The following CADM2 variants were observed in gnomAD, a reference collection of about 807,000 sequenced individuals.
CADM2 encodes the protein immunoglobulin superfamily member 4D.
A neutral mutation model predicts 49.8 loss-of-function variants in CADM2; 12 were observed. The ratio of observed to expected loss-of-function variants is 0.24; its 90% CI spans 0.15 to 0.39. The LOEUF (loss-of-function observed/expected upper bound fraction) is 0.39, where lower values mean the gene tolerates loss of function less well. CADM2 is among the 10% of genes least tolerant of loss of function. The probability of loss-of-function intolerance (pLI) is 1.00; values close to 1 mark genes in which losing one functional copy is unlikely to be tolerated. For missense variants in CADM2, 378 were observed against 492.3 expected (o/e 0.77, Z 2.20); for synonymous variants, 214 against 175.4 (o/e 1.22, Z -1.74).
chr3:85,062,992 A>C (rs1040078377), intron 1 of CADM2, among the ~76,000 whole-genome samples: 3 of 151,980 alleles, frequency 2.0e-5, no homozygotes, highest in Non-Finnish European at 2.9e-5. Context: ...AAAAAGTGGA[A>C]GTTGAATCAG....
intron 1 of CADM2, among the ~76,000 whole-genome samples, chr3:85,152,376 T>A (rs964842930): frequency 6.6e-6 from 1 of 152,146 alleles, no homozygotes; most frequent in Non-Finnish European, 1.5e-5. Flanking sequence ...GAAATCTCCA[T>A]GTGGACCCAT....
Position 85,935,770 on chromosome 3 carries a change from C to T in CADM2, c.704C>T (p.Thr235Ile), listed in dbSNP as rs1721127382. Residue 235 changes from threonine to isoleucine, a missense_variant, in exon 7 of 10, where the codon ACA (threonine) becomes ATA (isoleucine). Physicochemically the swap from Thr to Ile is moderately conservative, Grantham distance 89. Coordinates refer to ENST00000383699, the MANE Select transcript of CADM2 (RefSeq NM_001167675.2). ...VAMQVLEIHY[T>I]PSVKIIPSTP... is the part of the protein sequence containing the mutation. ...CTTAATATTCTTTTATTTCTAGATA[C>T]ACCATCAGTTAAGATTATACCATCG... 1 of 1,560,090 alleles carries T rather than the reference C, an allele frequency of 6.4e-7. No homozygotes were observed. Among genetic ancestry groups the T allele is most frequent in the Non-Finnish European group, 8.8e-7 (1 of 1,139,416 alleles).
chr3:85,913,348 G>C (rs1305972755), intron 6 of CADM2, among the ~76,000 whole-genome samples: 1 of 152,082 alleles, frequency 6.6e-6, no homozygotes, highest in Non-Finnish European at 1.5e-5. Flanking sequence ...TAGAGGATAG[G>C]AGATAATATG....
chr3:85,424,616 G>A (rs1390774094), intron 1 of CADM2, among the ~76,000 whole-genome samples: 2 of 152,046 alleles, frequency 1.3e-5, no homozygotes, highest in Non-Finnish European at 2.9e-5. Context: ...TTGTTAGAGC[G>A]TCCTGTGAAA....
chr3:85,190,269 C>G (rs1206525065), intron 1 of CADM2, among the ~76,000 whole-genome samples: 1 of 152,082 alleles, frequency 6.6e-6, no homozygotes, highest in East Asian at 1.9e-4. Flanking sequence ...TGTGCTTGTT[C>G]ACTTCTAAAC....
At chr3:85,502,175 G>C (rs1309043152) in intron 1 of CADM2, among the ~76,000 whole-genome samples, 4 of 152,138 alleles carry the variant, frequency 2.6e-5, no homozygotes, top group Admixed American at 6.5e-5. Flanking sequence ...TGAGATGTAA[G>C]ATGTCACACC....
At chr3:85,735,479 G>A (rs1159996675) in intron 2 of CADM2, among the ~76,000 whole-genome samples, 2 of 152,070 alleles carry the variant, frequency 1.3e-5, no homozygotes, top group Non-Finnish European at 1.5e-5. Context: ...AAGGATTTTT[G>A]GTATCCTTCA....
At chr3:85,362,163 C>T (rs1195817324) in intron 1 of CADM2, among the ~76,000 whole-genome samples, 1 of 152,114 alleles carries the variant, frequency 6.6e-6, no homozygotes. Flanking sequence ...TCTCAGATCT[C>T]CCTGCAGTAA....
chr3:85,300,044 G>A (rs2044056818), intron 1 of CADM2, among the ~76,000 whole-genome samples: 1 of 151,978 alleles, frequency 6.6e-6, no homozygotes, highest in South Asian at 2.1e-4. Flanking sequence ...TCTTTTACAT[G>A]TTTTTCTCAT....
At chr3:85,905,710 C>A (rs951839331) in intron 5 of CADM2, among the ~76,000 whole-genome samples, 4 of 152,026 alleles carry the variant, frequency 2.6e-5, no homozygotes, top group Admixed American at 1.3e-4. Context: ...TTAATCTAAT[C>A]TTTATTTTAT....
chr3:85,323,760 A>T (rs571833252), intron 1 of CADM2, among the ~76,000 whole-genome samples: 3 of 152,288 alleles, frequency 2.0e-5, no homozygotes, highest in South Asian at 4.1e-4. Flanking sequence ...TCTCATCACG[A>T]TGCTAAAACA....
chr3:85,592,349 G>A (rs1054099206), intron 1 of CADM2, among the ~76,000 whole-genome samples: 3 of 151,880 alleles, frequency 2.0e-5, no homozygotes, highest in Non-Finnish European at 2.9e-5. Flanking sequence ...CACATCCACT[G>A]CTAAGAAAAA....
intron 3 of CADM2, among the ~76,000 whole-genome samples, chr3:85,804,548 T>G (rs1190559828): frequency 6.6e-6 from 1 of 152,222 alleles, no homozygotes; most frequent in Non-Finnish European, 1.5e-5. Flanking sequence ...CTTGTACTGC[T>G]TTTTAAGGAG....
chr3:85,379,350 T>C (rs2033769024), intron 1 of CADM2, among the ~76,000 whole-genome samples: 1 of 151,880 alleles, frequency 6.6e-6, no homozygotes, highest in South Asian at 2.1e-4. Flanking sequence ...AACTGTAGAG[T>C]TTAGATGAAG....
Position 85,061,078 on chromosome 3 carries a change from A to G in CADM2, c.61+101410A>G, listed in dbSNP as rs576713101. Among the ~76,000 whole-genome samples, 166 of 152,286 alleles carry G rather than the reference A, an allele frequency of 1.1e-3. 1 individual carries two copies. The highest frequency in any genetic ancestry group is 3.4e-3 in the Middle Eastern group (1 of 294). On this transcript the variant is annotated intron_variant, in intron 1 of 9. Coordinates refer to ENST00000383699, the MANE Select transcript of CADM2 (RefSeq NM_001167675.2). Reference sequence around the variant, plus strand: ...TATCAGAAATAAAAGACAATTGTTAATAAAATGTTGCTTAAAAAATAAATA... The same window carrying G: ...TATCAGAAATAAAAGACAATTGTTAGTAAAATGTTGCTTAAAAAATAAATA...
At chr3:85,935,711 A>G in intron 6 of CADM2, 56 bp from the exon 7 acceptor site, 1 of 865,154 alleles carries the variant, frequency 1.2e-6, no homozygotes. Flanking sequence ...CACAGTTATT[A>G]AATATCTAGT....
intron 3 of CADM2, among the ~76,000 whole-genome samples, chr3:85,867,023 A>G (rs1005847016): frequency 6.6e-6 from 1 of 152,188 alleles, no homozygotes; most frequent in Non-Finnish European, 1.5e-5. Flanking sequence ...AGTCATTTCT[A>G]AGAGGGATAA....
At chr3:85,199,987 A>G (rs1011543764) in intron 1 of CADM2, among the ~76,000 whole-genome samples, 4 of 152,054 alleles carry the variant, frequency 2.6e-5, no homozygotes, top group African/African-American at 7.2e-5. Flanking sequence ...ATCAGTGTTT[A>G]GCAAACGCTA....
chr3:85,444,861 C>T (rs1576567084), intron 1 of CADM2, among the ~76,000 whole-genome samples: 2 of 152,228 alleles, frequency 1.3e-5, no homozygotes, highest in East Asian at 1.9e-4. Context: ...AGAAAATATA[C>T]ACTGTCTCTG....
Sources: allele counts gnomAD v4.1 joint callset (sites outside exome capture counted in the v4.1 genomes callset), GRCh38; gene constraint gnomAD v4.1.1; transcripts MANE v1.5; gene names NCBI Gene and HGNC (gene_info 2026-07-23, HGNC 2026-07-21).